SRGAP2: variants seen among roughly 807,000 people sequenced by gnomAD.
SRGAP2 encodes SLIT-ROBO Rho GTPase activating protein 2, also known as SLIT-ROBO Rho GTPase-activating protein 2.
SRGAP2 carries 15 observed loss-of-function variants against 57.2 expected under a neutral mutation model. That is an observed-to-expected ratio of 0.26 (90% CI 0.18 to 0.40). SRGAP2 has a LOEUF of 0.40. SRGAP2 is among the 10% of genes least tolerant of loss of function. The pLI is 1.00. For synonymous variants in SRGAP2, 249 were observed against 248.0 expected (o/e 1.00, Z -0.04); for missense variants, 520 against 669.6 (o/e 0.78, Z 2.47).
intron 5 of SRGAP2, among the ~76,000 whole-genome samples, chr1:206,392,180 G>A (rs1399992116): frequency 6.6e-6 from 1 of 151,106 alleles, no homozygotes; most frequent in Non-Finnish European, 1.5e-5. Flanking sequence ...AGAATGCCAG[G>A]CCGGTAAAAG....
rs1236443233 is a variant in SRGAP2 at position 206,278,757 on chromosome 1, A to G, written c.68-24524A>G. The stretch of plus-strand genomic sequence containing the variant: ...AAAAATTTAAAGGAGGTAAGAGTGT[A>G]AGCCGCGTGGATATTGGGGGAAGGG... On this transcript the variant is annotated intron_variant, in intron 2 of 22. Transcript: ENST00000573034. 6.7e-3 allele frequency among the ~76,000 whole-genome samples: 1,009 copies of G among 150,168 alleles called. 15 individuals carry two copies. The highest frequency in any genetic ancestry group is 0.024 in the African/African-American group (954 of 39,794).
chr1:206,325,334 C>T (rs1351843139), intron 3 of SRGAP2, among the ~76,000 whole-genome samples: 1 of 151,958 alleles, frequency 6.6e-6, no homozygotes, highest in Non-Finnish European at 1.5e-5. Context: ...AGATTTTCTA[C>T]TTTGTTCTGT....
At chr1:206,260,921 G>C (rs1292857206) in intron 2 of SRGAP2, among the ~76,000 whole-genome samples, 1 of 152,196 alleles carries the variant, frequency 6.6e-6, no homozygotes, top group Admixed American at 6.5e-5. Context: ...TCGTATTCAC[G>C]AGTGCAACAT....
At chr1:206,422,615 G>A (rs1335165182) in intron 13 of SRGAP2, among the ~76,000 whole-genome samples, 1 of 152,200 alleles carries the variant, frequency 6.6e-6, no homozygotes, top group Non-Finnish European at 1.5e-5. Context: ...TTCCTTGGCT[G>A]AAACCAGGCA....
chr1:206,290,262 A>C (rs1367951736), intron 2 of SRGAP2, among the ~76,000 whole-genome samples: 3 of 152,242 alleles, frequency 2.0e-5, no homozygotes, highest in Non-Finnish European at 4.4e-5. Context: ...TGAAGCCACT[A>C]GTTTTGTTCA....
chr1:206,386,805 A>G (rs1402474332), intron 5 of SRGAP2, among the ~76,000 whole-genome samples: 1 of 148,116 alleles, frequency 6.8e-6, no homozygotes, highest in African/African-American at 2.5e-5. Flanking sequence ...TCAAAAAAAA[A>G]AAAAAGAAAA....
intron 4 of SRGAP2, among the ~76,000 whole-genome samples, chr1:206,364,513 C>G (rs1232636795): frequency 5.3e-5 from 8 of 152,196 alleles, no homozygotes; most frequent in African/African-American, 9.6e-5. Context: ...GTTGGCCAGG[C>G]TAGTCTCGAA....
intron 3 of SRGAP2, among the ~76,000 whole-genome samples, chr1:206,325,659 A>T (rs1673824338): frequency 6.6e-6 from 1 of 151,092 alleles, no homozygotes; most frequent in African/African-American, 2.4e-5. Flanking sequence ...TTTTTCTGTT[A>T]TTCTCTTCTA....
intron 3 of SRGAP2, among the ~76,000 whole-genome samples, chr1:206,335,244 ATTG>A (rs1257256675): frequency 6.6e-6 from 1 of 151,172 alleles, no homozygotes; most frequent in Admixed American, 6.6e-5. Context: ...TTGGGGTGGC[ATTG>A]TAGCATGTAG....
intron 2 of SRGAP2, among the ~76,000 whole-genome samples, chr1:206,292,728 G>A (rs1553335771): frequency 0.11 from 14,545 of 138,012 alleles, 1,666 homozygotes; most frequent in African/African-American, 0.3. Flanking sequence ...CATGCTGTCT[G>A]TGGACAGCTG....
chr1:206,421,919 G>A (rs1234123819), intron 13 of SRGAP2, among the ~76,000 whole-genome samples: 1 of 152,142 alleles, frequency 6.6e-6, no homozygotes, highest in Non-Finnish European at 1.5e-5. Flanking sequence ...AATCTAAACA[G>A]CACTTGTGCT....
At chr1:206,232,170 G>T (rs1314589909) in intron 2 of SRGAP2, among the ~76,000 whole-genome samples, 3 of 152,120 alleles carry the variant, frequency 2.0e-5, no homozygotes, top group Admixed American at 1.3e-4. Flanking sequence ...GTGCTTATCT[G>T]TAGTAGCCAG....
intron 4 of SRGAP2, among the ~76,000 whole-genome samples, chr1:206,378,346 G>A (rs9429973): frequency 1.3e-5 from 2 of 152,142 alleles, no homozygotes; most frequent in African/African-American, 4.8e-5. Context: ...CCAGCATGTT[G>A]GTACACATCT....
intron 2 of SRGAP2, among the ~76,000 whole-genome samples, chr1:206,242,037 A>G (rs1553309322): frequency 6.8e-6 from 1 of 146,310 alleles, no homozygotes; most frequent in Non-Finnish European, 1.5e-5. Flanking sequence ...TTAATTACCT[A>G]TCTTGGTATC....
intron 4 of SRGAP2, among the ~76,000 whole-genome samples, chr1:206,347,987 C>G (rs1253383603): frequency 2.6e-5 from 4 of 151,094 alleles, no homozygotes; most frequent in Admixed American, 6.6e-5. Context: ...CCAAATCTGG[C>G]TCACAGCTAA....
At chr1:206,214,575 C>T (rs1666525644) in intron 2 of SRGAP2, 1 of 149,248 alleles carries the variant, frequency 6.7e-6, no homozygotes, top group Non-Finnish European at 1.5e-5. Flanking sequence ...AGTGGATCAC[C>T]TGAGGTTGGG....
At chr1:206,314,409 C>T (rs1363354528) in intron 3 of SRGAP2, among the ~76,000 whole-genome samples, 7 of 152,182 alleles carry the variant, frequency 4.6e-5, no homozygotes, top group Non-Finnish European at 5.9e-5. Flanking sequence ...GCTGGGATTA[C>T]AGGCATAAGC....
rs1257771398 is a variant in SRGAP2, at chr1:206,461,840, T to G, written c.*420T>G. ...TGTTTTGGGAACTGATTATAGAGAA[T>G]CATATATAGTCCAGTCTTCATTTTA... On this transcript the variant is annotated 3_prime_UTR_variant, in exon 23 of 23. Coordinates refer to ENST00000573034, the MANE Select transcript of SRGAP2 (RefSeq NM_015326.5). The G allele has an allele frequency of 5.8e-6, 1 of 172,994 alleles. No individual in the cohort carries two copies. The highest frequency in any genetic ancestry group is 1.2e-5 in the Non-Finnish European group (1 of 80,172). The allele number at this position is 172,994 out of a possible 1,614,324, so 10.7% of individuals were successfully genotyped here.
intron 2 of SRGAP2, chr1:206,208,268 A>G (rs1389677209): frequency 6.7e-6 from 1 of 148,230 alleles, no homozygotes; most frequent in Non-Finnish European, 1.5e-5. Context: ...AAATCTGTCA[A>G]TGAATAATAA....
Sources: gnomAD v4.1 joint callset for allele counts (sites outside exome capture counted in the v4.1 genomes callset) on GRCh38, gnomAD v4.1.1 for gene constraint, MANE v1.5 for transcripts, NCBI Gene and HGNC (gene_info 2026-07-23, HGNC 2026-07-21) for gene names.